Variants in NCKAP5 observed in about 807,000 individuals in gnomAD.
The protein encoded by NCKAP5 is nck-associated protein 5.
In NCKAP5, 92 loss-of-function variants were observed where a neutral mutation model predicts 167.0. The observed-to-expected ratio is 0.55, with a 90% CI of 0.47 to 0.66. NCKAP5 has a LOEUF of 0.66. Among genes scored for constraint, NCKAP5 ranks in the 30% least tolerant of loss-of-function variants. The probability of loss-of-function intolerance (pLI) is 0.00; values close to 1 mark genes in which losing one functional copy is unlikely to be tolerated. For synonymous variants in NCKAP5, 891 were observed against 877.4 expected, an observed-to-expected ratio of 1.02 and a Z score of -0.27; for missense variants, 2,378 against 2,315.0, an observed-to-expected ratio of 1.03 and a Z score of -0.56.
the NCKAP5 span, among the ~76,000 whole-genome samples, chr2:133,582,420 C>T: frequency 6.6e-6 from 1 of 152,184 alleles, no homozygotes; most frequent in Non-Finnish European, 1.5e-5. Context: ...CATGCATGCT[C>T]TGAATAATCA....
At chr2:133,052,241 AACCACGG>A (rs1292517494) in intron 6 of NCKAP5, among the ~76,000 whole-genome samples, 1 of 152,206 alleles carries the variant, frequency 6.6e-6, no homozygotes, top group East Asian at 1.9e-4. Context: ...CAAATTAGGA[AACCACGG>A]ACTATCATCA....
chr2:133,532,953 A>G (rs1368092), intron 2 of NCKAP5, among the ~76,000 whole-genome samples: 88,027 of 152,052 alleles, frequency 0.58, 27,149 homozygotes, highest in East Asian at 0.94. Flanking sequence ...CAGAGGCTAG[A>G]GGGAGGTGGA....
intron 4 of NCKAP5, among the ~76,000 whole-genome samples, chr2:133,238,367 A>G (rs2087522476): frequency 1.3e-5 from 2 of 152,144 alleles, no homozygotes. Flanking sequence ...AGCCTTTGGT[A>G]AAGTCTCTGG....
chr2:132,761,521 C>A (rs945848966), intron 16 of NCKAP5, among the ~76,000 whole-genome samples: 5 of 152,212 alleles, frequency 3.3e-5, no homozygotes, highest in Admixed American at 1.3e-4. Flanking sequence ...TCTTTGCCTG[C>A]AGCTCAGCCA....
At chr2:133,493,702 A>T (rs1471729592) in intron 3 of NCKAP5, among the ~76,000 whole-genome samples, 1 of 152,240 alleles carries the variant, frequency 6.6e-6, no homozygotes, top group East Asian at 1.9e-4. Context: ...CATCTACACA[A>T]TTAAACATGG....
intron 8 of NCKAP5, among the ~76,000 whole-genome samples, chr2:132,959,071 A>T (rs904881829): frequency 6.8e-6 from 1 of 146,518 alleles, no homozygotes; most frequent in Non-Finnish European, 1.5e-5. Context: ...AAATATATTA[A>T]TAATATATTA....
intron 6 of NCKAP5, among the ~76,000 whole-genome samples, chr2:133,037,060 C>T (rs957766247): frequency 1.3e-5 from 2 of 151,978 alleles, no homozygotes; most frequent in African/African-American, 4.8e-5. Flanking sequence ...ACATTTACAA[C>T]AGCCACACAT....
chr2:133,388,417 G>A (rs1475151689), intron 3 of NCKAP5, among the ~76,000 whole-genome samples: 1 of 152,192 alleles, frequency 6.6e-6, no homozygotes, highest in East Asian at 1.9e-4. Context: ...TCTCAGAGGG[G>A]TACCCGGCCG....
chr2:133,469,488 CT>C (rs1692876692), intron 3 of NCKAP5, among the ~76,000 whole-genome samples: 2 of 151,972 alleles, frequency 1.3e-5, no homozygotes, highest in African/African-American at 2.4e-5. Context: ...AATTATGTGT[CT>C]TGGAGTTGCT....
the NCKAP5 span, among the ~76,000 whole-genome samples, chr2:133,584,209 CA>C: frequency 6.6e-6 from 1 of 152,224 alleles, no homozygotes; most frequent in African/African-American, 2.4e-5. Context: ...CATGCACACA[CA>C]CACATAAAAT....
chr2:132,874,398 A>G (rs1023475737), intron 9 of NCKAP5, among the ~76,000 whole-genome samples: 20 of 152,262 alleles, frequency 1.3e-4, no homozygotes, highest in African/African-American at 4.6e-4. Flanking sequence ...GTGAGCCACC[A>G]TGCCCGGCCA....
At chr2:133,205,424 A>G (rs1233498551) in intron 5 of NCKAP5, among the ~76,000 whole-genome samples, 1 of 152,126 alleles carries the variant, frequency 6.6e-6, no homozygotes, top group Non-Finnish European at 1.5e-5. Flanking sequence ...TACTTCCATT[A>G]TATATTCCTA....
intron 5 of NCKAP5, among the ~76,000 whole-genome samples, chr2:133,165,484 A>G (rs2083962487): frequency 6.6e-6 from 1 of 152,196 alleles, no homozygotes; most frequent in African/African-American, 2.4e-5. Context: ...CATCCATGCA[A>G]TGTGAAACCA....
intron 2 of NCKAP5, among the ~76,000 whole-genome samples, chr2:133,548,111 T>G (rs1363326923): frequency 6.7e-6 from 1 of 148,864 alleles, no homozygotes. Flanking sequence ...TGCGATCAAC[T>G]GGAAGAAAGG....
At chr2:133,312,023 T>C (rs1218292840) in intron 3 of NCKAP5, among the ~76,000 whole-genome samples, 2 of 152,248 alleles carry the variant, frequency 1.3e-5, no homozygotes, top group Admixed American at 1.3e-4. Flanking sequence ...CTATGGCATG[T>C]AAATCACATG....
At chr2:132,819,656 T>A (rs1686558166) in intron 11 of NCKAP5, among the ~76,000 whole-genome samples, 1 of 152,218 alleles carries the variant, frequency 6.6e-6, no homozygotes, top group Non-Finnish European at 1.5e-5. Context: ...GAAGAGGCTT[T>A]TTCATTAGAT....
chr2:133,052,494 G>A (rs2079639791), intron 6 of NCKAP5, among the ~76,000 whole-genome samples: 1 of 152,180 alleles, frequency 6.6e-6, no homozygotes, highest in South Asian at 2.1e-4. Flanking sequence ...AAGGCAGGCA[G>A]ATCACCTGAG....
At chr2:133,470,179 A>G (rs1487546674) in intron 3 of NCKAP5, among the ~76,000 whole-genome samples, 1 of 152,028 alleles carries the variant, frequency 6.6e-6, no homozygotes, top group Non-Finnish European at 1.5e-5. Flanking sequence ...TGATGTACAG[A>G]TGGGTTTTCG....
At chr2:132,944,997 G>A (rs1283630081) in intron 8 of NCKAP5, among the ~76,000 whole-genome samples, 1 of 152,152 alleles carries the variant, frequency 6.6e-6, no homozygotes, top group Non-Finnish European at 1.5e-5. Context: ...CTATGGATAT[G>A]ATGGAGAAGG....
Sources: allele counts gnomAD v4.1 joint callset (sites outside exome capture counted in the v4.1 genomes callset), GRCh38; gene constraint gnomAD v4.1.1; transcripts MANE v1.5; gene names NCBI Gene and HGNC (gene_info 2026-07-23, HGNC 2026-07-21).